Variants in MAMDC4 observed in about 807,000 individuals in gnomAD.
The protein encoded by MAMDC4 is MAM domain containing 4, also known as apical endosomal glycoprotein.
MAMDC4 carries 168 observed loss-of-function variants against 153.3 expected under a neutral mutation model. The observed-to-expected ratio is 1.10, with a 90% CI of 0.97 to 1.25. MAMDC4 has a LOEUF of 1.25. Among genes scored for constraint, MAMDC4 ranks in the 50% most tolerant of loss-of-function variants. The pLI is 0.00. For synonymous variants in MAMDC4, 744 were observed against 651.5 expected, an observed-to-expected ratio of 1.14 and a Z score of -2.16; for missense variants, 1,701 against 1,542.8, an observed-to-expected ratio of 1.10 and a Z score of -1.72.
chr9:136,853,847 C>CT lies in MAMDC4; in HGVS notation c.526dup (p.Trp176LeufsTer18), dbSNP rs1463616786. On this transcript the variant is annotated frameshift_variant, in exon 5 of 27. Coordinates refer to ENST00000317446, the MANE Select transcript of MAMDC4 (RefSeq NM_206920.3). LOFTEE classifies it high-confidence loss of function. Reference sequence around the variant, plus strand: ...TGACCCTGTGGCAGAGCACAGGGCCCTGGGGCCCTGGCTGGCAGGAGTTGG... The same window carrying CT: ...TGACCCTGTGGCAGAGCACAGGGCCCTTGGGGCCCTGGCTGGCAGGAGTTGG... 6.2e-7 allele frequency: 1 copy of CT among 1,611,634 alleles called. No individual in the cohort carries two copies. The highest frequency in any genetic ancestry group is 8.5e-7 in the Non-Finnish European group (1 of 1,179,076).
intron 1 of MAMDC4, 140 bp downstream of exon 1, chr9:136,852,602 G>T: frequency 4.6e-6 from 5 of 1,093,272 alleles, no homozygotes; most frequent in Non-Finnish European, 6.8e-6. Context: ...ACCTTGGCCG[G>T]CCTGCAAGGG....
rs529973989 is a variant in MAMDC4, at chr9:136,860,148, C to T, written c.3372+84C>T. 1.3e-4 allele frequency: 183 copies of T among 1,419,036 alleles called. 2 individuals carry two copies. The African/African-American group carries it at 2.3e-3, about 18-fold the overall frequency. The allele number at this position is 1,419,036 out of a possible 1,614,324, so 87.9% of individuals were successfully genotyped here. On this transcript the variant is annotated intron_variant, in intron 26 of 26. Transcript: ENST00000317446. ...GGCGGGCAGTGGCGGGACACAACCC[C>T]CCGGGGAGGAGCCCCCACCTGTGCA...
Position 136,853,393 on chromosome 9 carries a change from ACAGGG to A in MAMDC4, c.269_273del (p.Ala90GlyfsTer64). ...ACCTCAGGCTACAGCTGGCTCCGAG[ACAGGG>A]CAGGGGCCGCACTGGAGGGTCCTGG... On this transcript the variant is annotated frameshift_variant, in exon 3 of 27. Coordinates refer to ENST00000317446, the MANE Select transcript of MAMDC4 (RefSeq NM_206920.3). LOFTEE classifies it high-confidence loss of function. The A allele has an allele frequency of 6.2e-7, 1 of 1,605,702 alleles. No individual in the cohort carries two copies. Among genetic ancestry groups the A allele is most frequent in the Non-Finnish European group, 8.5e-7 (1 of 1,174,552 alleles).
chr9:136,853,542 C>G lies in MAMDC4; in HGVS notation c.329-3C>G, dbSNP rs1848958251. On this transcript the variant is annotated splice_polypyrimidine_tract_variant and splice_region_variant and intron_variant, in intron 3 of 26. Transcript: ENST00000317446. ...CCGTCTCCTGACCTCTCACCTGCGC[C>G]AGGCTGGTACATGGCCGTTGGAACC... The G allele has an allele frequency of 1.2e-6, 2 of 1,612,672 alleles. No homozygotes were observed. Among genetic ancestry groups the G allele is most frequent in the South Asian group, 2.2e-5 (2 of 91,084 alleles).
rs1564388828 is a variant in MAMDC4, at chr9:136,858,749, TGGGCCCC to T, written c.2856_2862del (p.Pro953AlafsTer36). On this transcript the variant is annotated frameshift_variant, in exon 23 of 27. Coordinates refer to ENST00000317446, the MANE Select transcript of MAMDC4 (RefSeq NM_206920.3). LOFTEE classifies it high-confidence loss of function. ...TTTGCCTTCTTTGAAACTGGCGTGC[TGGGCCCC>T]GGGGGCCGGGCCGCCTGGCTGCGCA... 6.2e-7 allele frequency: 1 copy of T among 1,611,654 alleles called. No individual in the cohort carries two copies. The highest frequency in any genetic ancestry group is 8.5e-7 in the Non-Finnish European group (1 of 1,179,572).
intron 23 of MAMDC4, 24 bp downstream of exon 23, chr9:136,858,877 TGCCTGGGCAACGGGG>T: frequency 6.3e-7 from 1 of 1,594,332 alleles, no homozygotes; most frequent in Non-Finnish European, 8.5e-7. Context: ...GGCCAATGGG[TGCCTGGGCAACGGGG>T]GCAGCAGGGG....
In MAMDC4 at chr9:136,854,849, C is replaced by A. The variant is rs763951533; in HGVS notation, c.1022C>A (p.Ser341Ter). The A allele has an allele frequency of 2.9e-5, 47 of 1,612,760 alleles. No homozygotes were observed. Among genetic ancestry groups the A allele is most frequent in the Non-Finnish European group, 3.6e-5 (43 of 1,179,874 alleles). The change falls in exon 9 of 27, where the codon TCG (serine) becomes TAG (stop). Residue 341 changes from serine to a stop codon, truncating the protein, a stop_gained and splice_region_variant. Coordinates refer to ENST00000317446, the MANE Select transcript of MAMDC4 (RefSeq NM_206920.3). LOFTEE classifies it high-confidence loss of function. ...EFQASGTSNC[S>*]LVFYQYLSGS... ...CAAGCCTCAGGCACCTCCAACTGCT[C>A]GGTGAGATGGGTGGGGCTCACAGGG...
At position 136,853,478 on chromosome 9, in the gene MAMDC4, C is replaced by CT. The variant is rs1848957059; in HGVS notation, c.328+21dup. The CT allele has an allele frequency of 1.2e-6, 2 of 1,608,474 alleles. No individual in the cohort carries two copies. The highest frequency in any genetic ancestry group is 2.2e-5 in the South Asian group (2 of 90,816). ...ACTTGGGTGAGGCCAGGGCAAGTCT[C>CT]TGTGCGCCCCTGTCCCAATACCCTC... On this transcript the variant is annotated intron_variant, in intron 3 of 26. Transcript: ENST00000317446.
At chr9:136,854,146 T>C in intron 6 of MAMDC4, 65 bp from the exon 7 acceptor site, 2 of 1,610,618 alleles carry the variant, frequency 1.2e-6, no homozygotes, top group African/African-American at 1.3e-5. Flanking sequence ...GCTCAGACCC[T>C]GTCTGCCCCC....
chr9:136,858,855 T>A lies in MAMDC4; in HGVS notation c.2956+2T>A, dbSNP rs1588394975. On this transcript the variant is annotated splice_donor_variant, in intron 23 of 26. Coordinates refer to ENST00000317446, the MANE Select transcript of MAMDC4 (RefSeq NM_206920.3). LOFTEE classifies it high-confidence loss of function. Reference sequence around the variant, plus strand: ...ACATGGGTTTTCCTGAGCACTTCTGTGAGTCCGGCTGGGCCAATGGGTGCC... The same window carrying A: ...ACATGGGTTTTCCTGAGCACTTCTGAGAGTCCGGCTGGGCCAATGGGTGCC... The A allele has an allele frequency of 1.2e-6, 2 of 1,605,136 alleles. No homozygotes were observed. Among genetic ancestry groups the A allele is most frequent in the Non-Finnish European group, 8.5e-7 (1 of 1,176,076 alleles).
At position 136,854,689 on chromosome 9, in the gene MAMDC4, G is replaced by A. The variant is rs1217544621; in HGVS notation, c.934+13G>A. ...AACAGTGCACAGGGTGAGGCCCACAGAGGACCCGGCCCAGGCCCTGCCCAC... is the reference window on the plus strand; with the variant it reads ...AACAGTGCACAGGGTGAGGCCCACAAAGGACCCGGCCCAGGCCCTGCCCAC... On this transcript the variant is annotated intron_variant, in intron 8 of 26. Transcript: ENST00000317446. 5 of 1,611,296 alleles carry A rather than the reference G, an allele frequency of 3.1e-6. No homozygotes were observed. Among genetic ancestry groups the A allele is most frequent in the Middle Eastern group, 3.3e-4 (2 of 6,058 alleles).
chr9:136,855,978 T>TTCC, intron 13 of MAMDC4, 40 bp from the exon 14 acceptor site: 1 of 1,585,544 alleles, frequency 6.3e-7, no homozygotes. Context: ...AGTGGGGCCC[T>TTCC]GGAAGGGATG....
Position 136,857,427 on chromosome 9 carries a change from G to A in MAMDC4, c.2167G>A (p.Val723Met), listed in dbSNP as rs200778498. ...CACCATGGCGCTGGACGATGTGGCC[G>A]TGCGGCCGGGCCCCTGCTGGGCCCC... ...HGTMALDDVA[V>M]RPGPCWAPNY... The change falls in exon 18 of 27, where the codon GTG (valine) becomes ATG (methionine). Residue 723 changes from valine to methionine, a missense_variant. Physicochemically the swap from Val to Met is conservative, Grantham distance 21 (BLOSUM62 1). Coordinates refer to ENST00000317446, the MANE Select transcript of MAMDC4 (RefSeq NM_206920.3). 1.3e-4 allele frequency: 206 copies of A among 1,608,206 alleles called. 1 individual carries two copies. The highest frequency in any genetic ancestry group is 6.6e-4 in the Middle Eastern group (4 of 6,062).
In MAMDC4 at chr9:136,858,287, T is replaced by G. The variant is rs747018216; in HGVS notation, c.2674+11T>G. 3 of 1,601,274 alleles carry G rather than the reference T, an allele frequency of 1.9e-6. No homozygotes were observed. The highest frequency in any genetic ancestry group is 2.5e-6 in the Non-Finnish European group (3 of 1,179,346). On this transcript the variant is annotated intron_variant, in intron 21 of 26. Coordinates refer to ENST00000317446, the MANE Select transcript of MAMDC4 (RefSeq NM_206920.3). ...CCTGCCCTCAGCCAGGTGGGAGCCC[T>G]GCCGTGGCCTCGGCCCTGCTCTGGG...
chr9:136,858,480 G>A lies in MAMDC4; in HGVS notation c.2755G>A (p.Gly919Ser). ...CCTGGGCGGATACAGCTGGGACTGG[G>A]GCGGGGGAGCCACCCCCTCTCGTTA... is the stretch of plus-strand genomic sequence containing the variant. ...PGLGGYSWDW[G>S]GGATPSRYPQ... Residue 919 changes from glycine to serine, a missense_variant, in exon 22 of 27, where the codon GGC becomes AGC. Coordinates refer to ENST00000317446, the MANE Select transcript of MAMDC4 (RefSeq NM_206920.3). 6.2e-7 allele frequency: 1 copy of A among 1,609,052 alleles called. No homozygotes were observed. The highest frequency in any genetic ancestry group is 8.5e-7 in the Non-Finnish European group (1 of 1,179,332).
rs1333079548 is a variant in MAMDC4 at position 136,854,788 on chromosome 9, C to T, written c.961C>T (p.Pro321Ser). Reference sequence around the variant, plus strand: ...CTCCTTCCTGGTCTCCGTGGCCGAGCCTGGCACCCCTGCTATACTCTCCAG... The same window carrying T: ...CTCCTTCCTGGTCTCCGTGGCCGAGTCTGGCACCCCTGCTATACTCTCCAG... ...QGSFLVSVAEPGTPAILSSPE... is the reference protein window; with the variant it reads ...QGSFLVSVAESGTPAILSSPE... Residue 321 changes from proline to serine, a missense_variant, in exon 9 of 27, where the codon CCT becomes TCT. Transcript: ENST00000317446. 10 of 1,612,694 alleles carry T rather than the reference C, an allele frequency of 6.2e-6. No individual in the cohort carries two copies. The highest frequency in any genetic ancestry group is 1.6e-4 in the Middle Eastern group (1 of 6,084).
At position 136,860,567 on chromosome 9, in the gene MAMDC4, T is replaced by G. The variant is rs201865273; in HGVS notation, c.3378T>G (p.Gly1126=). The change falls in exon 27 of 27, where the codon GGT becomes GGG. Residue 1126 remains glycine (G), a synonymous_variant. Coordinates refer to ENST00000317446, the MANE Select transcript of MAMDC4 (RefSeq NM_206920.3). ...GCTCCTCTTCCTCCTCCTAGGATGGTGTCACCCTCCCGGCATCTGTCACCA... is the reference window on the plus strand; with the variant it reads ...GCTCCTCTTCCTCCTCCTAGGATGGGGTCACCCTCCCGGCATCTGTCACCA... ...GFDNILFNAD[G]VTLPASVTSD... is the part of the protein sequence containing the mutation. The G allele has an allele frequency of 6.2e-7, 1 of 1,612,470 alleles. No homozygotes were observed. The highest frequency in any genetic ancestry group is 1.3e-5 in the African/African-American group (1 of 74,990).
intron 14 of MAMDC4, 108 bp from the exon 15 acceptor site, chr9:136,856,602 C>A: frequency 9.5e-7 from 1 of 1,048,644 alleles, no homozygotes; most frequent in Middle Eastern, 2.0e-4. Flanking sequence ...CTCACTCCCA[C>A]CTGGGTGCTC....
At chr9:136,856,422 G>T in intron 14 of MAMDC4, 1 of 790,690 alleles carries the variant, frequency 1.3e-6, no homozygotes. Flanking sequence ...GCTGGAGCGG[G>T]CCCTGACTTA....
Sources: allele counts gnomAD v4.1 joint callset, GRCh38; gene constraint gnomAD v4.1.1; transcripts MANE v1.5; gene names NCBI Gene and HGNC (gene_info 2026-07-23, HGNC 2026-07-21).